RAPGEF4: variants seen among roughly 807,000 people sequenced by gnomAD.
RAPGEF4 encodes Rap guanine nucleotide exchange factor 4, also known as RAP guanine-nucleotide-exchange factor (GEF) 4.
RAPGEF4 carries 66 observed loss-of-function variants against 147.9 expected under a neutral mutation model. The ratio of observed to expected loss-of-function variants is 0.45; its 90% CI spans 0.37 to 0.55. The LOEUF is 0.55. Ranked by LOEUF, RAPGEF4 falls within the 20% of genes least tolerant of loss-of-function variation. The pLI is 0.00. For missense variants in RAPGEF4, 1,071 were observed against 1,257.3 expected (o/e 0.85, Z 2.24); for synonymous variants, 419 against 442.7 (o/e 0.95, Z 0.67).
intron 5 of RAPGEF4, among the ~76,000 whole-genome samples, chr2:172,919,335 A>C (rs2553008): frequency 0.81 from 123,044 of 152,048 alleles, 50,156 homozygotes; most frequent in Non-Finnish European, 0.86. Flanking sequence ...CGACCCCTCA[A>C]AGTCTGGATT....
chr2:172,917,918 G>A, intron 5 of RAPGEF4, 44 bp downstream of exon 5: 1 of 1,547,498 alleles, frequency 6.5e-7, no homozygotes, highest in Non-Finnish European at 8.9e-7. Context: ...AATTTGTCGT[G>A]TGGTATGTGT....
At chr2:172,831,765 C>A (rs1690381155) in intron 4 of RAPGEF4, among the ~76,000 whole-genome samples, 1 of 152,016 alleles carries the variant, frequency 6.6e-6, no homozygotes, top group African/African-American at 2.4e-5. Context: ...CAAATTGGTA[C>A]CATGCTAGTA....
chr2:172,912,730 C>T (rs948924444), intron 4 of RAPGEF4, among the ~76,000 whole-genome samples: 6 of 152,114 alleles, frequency 3.9e-5, no homozygotes, highest in East Asian at 1.9e-4. Context: ...GCAGCTGCCA[C>T]GGGTATTTTT....
chr2:172,933,898 T>A (rs960697358), intron 6 of RAPGEF4, among the ~76,000 whole-genome samples: 5 of 152,204 alleles, frequency 3.3e-5, no homozygotes, highest in Admixed American at 3.3e-4. Flanking sequence ...TATTTGTAAC[T>A]TAGTTCACAA....
chr2:172,990,025 A>G (rs1012268114), intron 14 of RAPGEF4, among the ~76,000 whole-genome samples: 54 of 151,768 alleles, frequency 3.6e-4, no homozygotes, highest in African/African-American at 1.1e-3. Flanking sequence ...TGCAAAAAAA[A>G]AAAAGAAAAG....
At chr2:172,804,136 A>T (rs1020737809) in intron 3 of RAPGEF4, among the ~76,000 whole-genome samples, 2 of 152,220 alleles carry the variant, frequency 1.3e-5, no homozygotes, top group African/African-American at 4.8e-5. Flanking sequence ...AAAAAAAATC[A>T]ACCTCTTTCT....
chr2:172,930,904 C>T (rs76603762), intron 6 of RAPGEF4, among the ~76,000 whole-genome samples: 8,063 of 152,202 alleles, frequency 0.053, 273 homozygotes, highest in Middle Eastern at 0.082. Flanking sequence ...TTCTGTCATG[C>T]TTTTCACTCA....
At position 172,988,760 on chromosome 2, in the gene RAPGEF4, G is replaced by A. The variant is rs746993987; in HGVS notation, c.1295G>A (p.Arg432Gln). The change falls in exon 14 of 31, where the codon CGA becomes CAA. Residue 432 changes from arginine (R) to glutamine (Q), a missense_variant. By Grantham distance (43) the Arg-to-Gln change is conservative. Coordinates refer to ENST00000397081, the MANE Select transcript of RAPGEF4 (RefSeq NM_007023.4). ...TTAGCACTAGTGAATGATGCCCCAC[G>A]AGCTGCCTCTATCGTCTTACGAGAA... ...GKLALVNDAPRAASIVLREDN... is the reference protein window; with the variant it reads ...GKLALVNDAPQAASIVLREDN... The A allele has an allele frequency of 3.7e-6, 6 of 1,612,062 alleles. No homozygotes were observed. The highest frequency in any genetic ancestry group is 1.3e-5 in the African/African-American group (1 of 74,866).
At chr2:173,050,757 C>CAAA (rs34661805) in intron 30 of RAPGEF4, among the ~76,000 whole-genome samples, 12 of 120,074 alleles carry the variant, frequency 1.0e-4, no homozygotes, top group African/African-American at 1.9e-4. Flanking sequence ...CATTTCTTAA[C>CAAA]AAAAAAAAAA....
At chr2:172,904,119 T>C (rs1260459955) in intron 4 of RAPGEF4, among the ~76,000 whole-genome samples, 1 of 152,222 alleles carries the variant, frequency 6.6e-6, no homozygotes, top group East Asian at 1.9e-4. Flanking sequence ...TGTAGGCACT[T>C]TTTTGTAACT....
intron 1 of RAPGEF4, among the ~76,000 whole-genome samples, chr2:172,742,216 A>C (rs1204516190): frequency 1.3e-5 from 2 of 152,252 alleles, no homozygotes; most frequent in Non-Finnish European, 2.9e-5. Context: ...TTATTCAGTC[A>C]GTGTTCAAAT....
intron 22 of RAPGEF4, among the ~76,000 whole-genome samples, chr2:173,019,262 G>C (rs1695810159): frequency 6.6e-6 from 1 of 152,208 alleles, no homozygotes; most frequent in African/African-American, 2.4e-5. Context: ...TGGCTCAAAT[G>C]AAATGAGGAA....
intron 6 of RAPGEF4, among the ~76,000 whole-genome samples, chr2:172,942,965 G>A (rs1687319596): frequency 6.6e-6 from 1 of 152,112 alleles, no homozygotes; most frequent in Non-Finnish European, 1.5e-5. Flanking sequence ...GGCGGCCACT[G>A]CACTGGACAT....
intron 8 of RAPGEF4, among the ~76,000 whole-genome samples, chr2:172,963,914 C>T (rs1689558624): frequency 6.6e-6 from 1 of 152,166 alleles, no homozygotes; most frequent in Non-Finnish European, 1.5e-5. Context: ...ACCTGTGATT[C>T]CATCAGCTGC....
intron 3 of RAPGEF4, among the ~76,000 whole-genome samples, chr2:172,803,509 C>T (rs752129232): frequency 1.3e-5 from 2 of 152,176 alleles, no homozygotes; most frequent in Non-Finnish European, 2.9e-5. Flanking sequence ...GGGCTTGGCC[C>T]ATGAAACCAT....
At chr2:173,020,744 C>T in intron 23 of RAPGEF4, 29 bp downstream of exon 23, 2 of 1,555,150 alleles carry the variant, frequency 1.3e-6, no homozygotes, top group Non-Finnish European at 1.8e-6. Context: ...CTCAGAGCAG[C>T]ATTGCAATCA....
intron 5 of RAPGEF4, among the ~76,000 whole-genome samples, chr2:172,919,134 C>A (rs778093711): frequency 2.0e-5 from 3 of 152,130 alleles, no homozygotes; most frequent in Admixed American, 2.0e-4. Context: ...AATTAAAGCA[C>A]CTGAGTTGCA....
intron 1 of RAPGEF4, among the ~76,000 whole-genome samples, chr2:172,754,714 G>GA (rs1695600648): frequency 6.6e-6 from 1 of 152,030 alleles, no homozygotes; most frequent in South Asian, 2.1e-4. Context: ...GGGCTTATGA[G>GA]AAAAAATTTG....
At chr2:172,747,957 G>A (rs1358102334) in intron 1 of RAPGEF4, among the ~76,000 whole-genome samples, 1 of 152,142 alleles carries the variant, frequency 6.6e-6, no homozygotes, top group Non-Finnish European at 1.5e-5. Context: ...TTAGCGTACT[G>A]TCCTTTAGGT....
Sources: allele counts gnomAD v4.1 joint callset (sites outside exome capture counted in the v4.1 genomes callset), GRCh38; gene constraint gnomAD v4.1.1; transcripts MANE v1.5; gene names NCBI Gene and HGNC (gene_info 2026-07-23, HGNC 2026-07-21).